Variants in KAZN observed in about 807,000 individuals in gnomAD.
The protein encoded by KAZN is kazrin.
KAZN carries 40 observed loss-of-function variants against 87.4 expected under a neutral mutation model. The ratio of observed to expected loss-of-function variants is 0.46; its 90% CI spans 0.36 to 0.60. The LOEUF is 0.60. KAZN is among the 20% of genes least tolerant of loss of function. The pLI, the probability that KAZN is intolerant of heterozygous loss-of-function variation, is 0.00. For missense variants in KAZN, 898 were observed against 1,073.9 expected (o/e 0.84, Z 2.29); for synonymous variants, 466 against 458.3 (o/e 1.02, Z -0.22).
chr1:13,923,462 A>T (rs1640142262), intron 1 of KAZN, among the ~76,000 whole-genome samples: 1 of 150,418 alleles, frequency 6.6e-6, no homozygotes, highest in East Asian at 2.0e-4. Flanking sequence ...AGTCCCAGCT[A>T]CTGGGGAGGC....
At chr1:14,901,142 G>T (rs748667653) in intron 1 of KAZN, among the ~76,000 whole-genome samples, 1 of 152,124 alleles carries the variant, frequency 6.6e-6, no homozygotes, top group Non-Finnish European at 1.5e-5. Context: ...AAAACTGGTC[G>T]GGGACAACTG....
chr1:14,178,829 T>G (rs1391725911), intron 1 of KAZN, among the ~76,000 whole-genome samples: 2 of 152,210 alleles, frequency 1.3e-5, no homozygotes, highest in African/African-American at 4.8e-5. Flanking sequence ...TTGGCAGGTA[T>G]TTTAGTTACT....
At chr1:14,982,091 G>A (rs1259298447) in intron 2 of KAZN, among the ~76,000 whole-genome samples, 1 of 152,196 alleles carries the variant, frequency 6.6e-6, no homozygotes, top group African/African-American at 2.4e-5. Context: ...GATCCTCACA[G>A]CAGACCGGTG....
In KAZN at chr1:14,224,610, A is replaced by G. The variant is rs148476818; in HGVS notation, c.249+44018A>G. The stretch of plus-strand genomic sequence containing the variant: ...TAGTACTAAACTGGATGACCTAGTC[A>G]AGCCTCCTTAGTTTGAAAGAAGCTA... On this transcript the variant is annotated intron_variant, in intron 2 of 16. Coordinates refer to the KAZN transcript ENST00000636203. 8.8e-3 allele frequency among the ~76,000 whole-genome samples: 1,347 copies of G among 152,264 alleles called. 18 individuals are homozygous for G. Among genetic ancestry groups the G allele is most frequent in the African/African-American group, 0.031 (1,281 of 41,548 alleles).
rs575763445 is a variant in KAZN at position 14,384,106 on chromosome 1, GCTCT to G, written c.249+203517_249+203520del. ...TGAATGGGAGTTCACTCATGATTTG[GCTCT>G]CTGTTTGTCTGTTATTGGTGTATAA... On this transcript the variant is annotated intron_variant, in intron 2 of 16. Transcript: ENST00000636203. Among the ~76,000 whole-genome samples, 534 of 150,826 alleles carry G rather than the reference GCTCT, an allele frequency of 3.5e-3. 5 individuals are homozygous for G. Among genetic ancestry groups the G allele is most frequent in the African/African-American group, 0.012 (506 of 40,890 alleles).
Position 14,705,871 on chromosome 1 carries a change from C to G in KAZN, c.226+106648C>G, listed in dbSNP as rs533900300. Among the ~76,000 whole-genome samples the G allele has an allele frequency of 9.9e-5, 15 of 152,270 alleles. No individual in the cohort carries two copies. In the South Asian group the frequency reaches 3.1e-3, roughly 32 times the overall value. ...TTCTAGCGTTCTATACCAGGGTTCT[C>G]CAACTCCCGGGGCCACAGACTGGTA... On this transcript the variant is annotated intron_variant, in intron 1 of 14. Coordinates refer to ENST00000376030, the MANE Select transcript of KAZN (RefSeq NM_201628.3).
At chr1:14,405,199 T>C (rs1391369380) in intron 2 of KAZN, among the ~76,000 whole-genome samples, 1 of 152,190 alleles carries the variant, frequency 6.6e-6, no homozygotes, top group African/African-American at 2.4e-5. Flanking sequence ...CGATTTGAAA[T>C]GCAGATTCTT....
intron 2 of KAZN, among the ~76,000 whole-genome samples, chr1:14,572,600 T>C (rs192195074): frequency 1.3e-5 from 2 of 152,314 alleles, no homozygotes; most frequent in African/African-American, 4.8e-5. Flanking sequence ...TCTTGTGCGC[T>C]TGGCCTGGCT....
rs751382879 is a variant in KAZN, at chr1:14,357,034, G to A, written c.249+176442G>A. Among the ~76,000 whole-genome samples the A allele has an allele frequency of 6.2e-4, 94 of 152,194 alleles. 1 individual carries two copies. The Middle Eastern group carries it at 0.024, about 39-fold the overall frequency. On this transcript the variant is annotated intron_variant, in intron 2 of 16. Transcript: ENST00000636203. ...CTTTGGGCAGTATGGCCATTTTCAC[G>A]ATATTGATTCTTCCTATCCATGAGC...
chr1:14,631,072 G>T (rs1475644474), intron 1 of KAZN, among the ~76,000 whole-genome samples: 1 of 152,124 alleles, frequency 6.6e-6, no homozygotes, highest in Non-Finnish European at 1.5e-5. Flanking sequence ...CTTAGGCTGA[G>T]AGGTTCATGG....
intron 1 of KAZN, among the ~76,000 whole-genome samples, chr1:14,110,466 T>C (rs11577608): frequency 0.29 from 43,786 of 151,988 alleles, 6,687 homozygotes; most frequent in East Asian, 0.55. Context: ...TGCGCCTGTA[T>C]GGGTGTGACC....
intron 2 of KAZN, among the ~76,000 whole-genome samples, chr1:14,582,354 T>C (rs1012470203): frequency 6.6e-6 from 1 of 152,172 alleles, no homozygotes; most frequent in Non-Finnish European, 1.5e-5. Flanking sequence ...AAAATCAGTT[T>C]TGGGCAGGTC....
chr1:14,960,935 T>G, intron 2 of KAZN, 60 bp downstream of exon 2: 1 of 1,518,356 alleles, frequency 6.6e-7, no homozygotes, highest in South Asian at 1.3e-5. Flanking sequence ...GGATCTGGAG[T>G]CCTCCCCATG....
chr1:14,648,810 T>C (rs1015504808), intron 1 of KAZN, among the ~76,000 whole-genome samples: 1 of 152,196 alleles, frequency 6.6e-6, no homozygotes, highest in African/African-American at 2.4e-5. Context: ...TCATGTCCCA[T>C]TGGGAACCAG....
chr1:14,076,812 C>A (rs1557455613), intron 1 of KAZN, among the ~76,000 whole-genome samples: 1 of 152,164 alleles, frequency 6.6e-6, no homozygotes, highest in South Asian at 2.1e-4. Flanking sequence ...CTGCTCTCAA[C>A]TCTCCTGTGG....
In KAZN at chr1:15,104,129, G is replaced by A. The variant is rs781098710; in HGVS notation, c.1988G>A (p.Gly663Glu). 4 of 1,609,414 alleles carry A rather than the reference G, an allele frequency of 2.5e-6. No individual in the cohort carries two copies. The Admixed American group carries it at 6.7e-5, about 27-fold the overall frequency. ...AMATALGIPS[G>E]KHILRRHLAE... ...GCCACTGCCCTGGGCATCCCCAGTG[G>A]GAAGCACATCCTCCGGAGACACCTG... is the stretch of plus-strand genomic sequence containing the variant. The change falls in exon 13 of 15, where the codon GGG (glycine) becomes GAG (glutamate). Residue 663 changes from glycine (G) to glutamate (E), a missense_variant. Around this residue, in one of 3 missense-constraint regions of KAZN, gnomAD observed 521 missense variants for 689.4 expected, o/e 0.76. Coordinates refer to ENST00000376030, the MANE Select transcript of KAZN (RefSeq NM_201628.3).
At chr1:14,113,702 G>T (rs866647641) in intron 1 of KAZN, among the ~76,000 whole-genome samples, 1 of 152,218 alleles carries the variant, frequency 6.6e-6, no homozygotes, top group African/African-American at 2.4e-5. Context: ...CCTGACCACG[G>T]TGCTGGGGTG....
intron 1 of KAZN, among the ~76,000 whole-genome samples, chr1:14,635,209 G>T (rs1276232510): frequency 6.6e-6 from 1 of 152,202 alleles, no homozygotes; most frequent in East Asian, 1.9e-4. Flanking sequence ...GTTCTGAAAT[G>T]CGGACATCCA....
At chr1:14,663,371 G>T (rs906525631) in intron 1 of KAZN, among the ~76,000 whole-genome samples, 1 of 152,162 alleles carries the variant, frequency 6.6e-6, no homozygotes, top group Admixed American at 6.5e-5. Context: ...GGGCCACACA[G>T]GCAAGAGAGG....
Sources: allele counts gnomAD v4.1 joint callset (sites outside exome capture counted in the v4.1 genomes callset), GRCh38; gene constraint gnomAD v4.1.1; regional missense constraint gnomAD v4.1.1; transcripts MANE v1.5; gene names NCBI Gene and HGNC (gene_info 2026-07-23, HGNC 2026-07-21).